The following TFEC variants were observed in gnomAD, a reference collection of about 807,000 sequenced individuals.
TFEC encodes transcription factor EC, also known as class E basic helix-loop-helix protein 34.
A neutral mutation model predicts 41.6 loss-of-function variants in TFEC; 31 were observed. The ratio of observed to expected loss-of-function variants is 0.74; its 90% CI spans 0.56 to 1.01. The LOEUF (loss-of-function observed/expected upper bound fraction) is 1.01, where lower values mean the gene tolerates loss of function less well. Ranked by LOEUF, TFEC falls within the 50% of genes least tolerant of loss-of-function variation. The probability of loss-of-function intolerance (pLI) is 0.00; values close to 1 mark genes in which losing one functional copy is unlikely to be tolerated. For missense variants in TFEC, 402 were observed against 404.1 expected, an observed-to-expected ratio of 0.99 and a Z score of 0.04; for synonymous variants, 143 against 140.6, an observed-to-expected ratio of 1.02 and a Z score of -0.12.
chr7:116,048,790 A>C (rs886472551), intron 3 of TFEC, among the ~76,000 whole-genome samples: 2 of 152,238 alleles, frequency 1.3e-5, no homozygotes, highest in African/African-American at 4.8e-5. Flanking sequence ...CTCTCAGCAG[A>C]AACTCTACAA....
At chr7:115,974,311 C>T in intron 2 of TFEC, 55 bp from the exon 3 acceptor site, 5 of 1,359,240 alleles carry the variant, frequency 3.7e-6, no homozygotes, top group Non-Finnish European at 4.8e-6. Flanking sequence ...AGTTGTGCTT[C>T]AGTCTGAAAA....
At chr7:116,007,127 T>C (rs1794827154) in intron 1 of TFEC, among the ~76,000 whole-genome samples, 1 of 152,198 alleles carries the variant, frequency 6.6e-6, no homozygotes, top group Non-Finnish European at 1.5e-5. Context: ...CGGTTTTACC[T>C]TTTTGTGTTT....
At chr7:116,046,879 C>A (rs1796178292) in intron 3 of TFEC, among the ~76,000 whole-genome samples, 1 of 152,118 alleles carries the variant, frequency 6.6e-6, no homozygotes, top group South Asian at 2.1e-4. Flanking sequence ...ATTCTCTCAC[C>A]AGAGAGGTGA....
intron 3 of TFEC, among the ~76,000 whole-genome samples, chr7:116,090,077 T>C (rs564182428): frequency 2.0e-5 from 3 of 152,290 alleles, no homozygotes; most frequent in African/African-American, 7.2e-5. Context: ...TAACTTTCCA[T>C]GCCTAAGTAA....
chr7:116,080,429 AG>A (rs1797060843), intron 3 of TFEC, among the ~76,000 whole-genome samples: 1 of 152,152 alleles, frequency 6.6e-6, no homozygotes, highest in African/African-American at 2.4e-5. Flanking sequence ...CACCAGAAAA[AG>A]GACTAATATC....
At chr7:116,106,923 C>T (rs1797732005) in intron 3 of TFEC, among the ~76,000 whole-genome samples, 1 of 152,168 alleles carries the variant, frequency 6.6e-6, no homozygotes, top group Admixed American at 6.5e-5. Flanking sequence ...ATTGCATAGG[C>T]TGATCCTGTT....
At chr7:116,048,857 A>C (rs1437567103) in intron 3 of TFEC, among the ~76,000 whole-genome samples, 9 of 152,188 alleles carry the variant, frequency 5.9e-5, no homozygotes, top group African/African-American at 9.6e-5. Context: ...ATTTTCAACC[A>C]AGAATTTCAT....
Position 116,000,716 on chromosome 7 carries a change from T to G in TFEC, c.-72-16203A>C, listed in dbSNP as rs183899990. ...CCATTTGCAATAGCTACAAATAAAATAAAATACCTAGGAATTAACTTAACC... is the reference window on the plus strand; with the variant it reads ...CCATTTGCAATAGCTACAAATAAAAGAAAATACCTAGGAATTAACTTAACC... On this transcript the variant is annotated intron_variant, in intron 1 of 7. Coordinates refer to ENST00000265440, the MANE Select transcript of TFEC (RefSeq NM_012252.4). Among the ~76,000 whole-genome samples the G allele has an allele frequency of 2.7e-4, 41 of 151,932 alleles. No individual in the cohort carries two copies. In the East Asian group the frequency reaches 6.6e-3, roughly 24 times the overall value.
At chr7:115,970,988 T>C (rs767524196) in intron 3 of TFEC, among the ~76,000 whole-genome samples, 5 of 152,068 alleles carry the variant, frequency 3.3e-5, no homozygotes, top group Admixed American at 1.3e-4. Context: ...CCATGTCATA[T>C]AGTAGGTAAA....
At chr7:116,039,148 A>G (rs1795975398) in intron 3 of TFEC, among the ~76,000 whole-genome samples, 1 of 152,228 alleles carries the variant, frequency 6.6e-6, no homozygotes, top group South Asian at 2.1e-4. Flanking sequence ...TGACTATGAC[A>G]TTCTGCTAAA....
At chr7:116,149,472 C>A (rs890262083) in intron 1 of TFEC, among the ~76,000 whole-genome samples, 5 of 152,088 alleles carry the variant, frequency 3.3e-5, no homozygotes, top group Admixed American at 6.5e-5. Context: ...TTAAAATCTT[C>A]CCAAAGGATA....
At chr7:115,950,725 A>T (rs1025553564) in intron 6 of TFEC, 149 bp downstream of exon 6, 2 of 546,908 alleles carry the variant, frequency 3.7e-6, no homozygotes, top group Non-Finnish European at 6.4e-6. Flanking sequence ...ACTGGAATAG[A>T]CATTTTAAAA....
intron 3 of TFEC, among the ~76,000 whole-genome samples, chr7:116,040,571 A>G (rs1289553511): frequency 6.6e-6 from 1 of 152,082 alleles, no homozygotes; most frequent in Non-Finnish European, 1.5e-5. Context: ...CTCCATTTTA[A>G]TTTATTTTAT....
intron 3 of TFEC, among the ~76,000 whole-genome samples, chr7:116,089,350 T>G (rs1479719663): frequency 6.6e-6 from 1 of 152,098 alleles, no homozygotes; most frequent in Non-Finnish European, 1.5e-5. Context: ...AGATTTTTAG[T>G]GGAAGAATGA....
At chr7:116,141,855 C>T (rs1227757650) in intron 1 of TFEC, among the ~76,000 whole-genome samples, 2 of 152,100 alleles carry the variant, frequency 1.3e-5, no homozygotes, top group African/African-American at 4.8e-5. Context: ...TTCTAAGAAG[C>T]AGAAAAAACA....
intron 1 of TFEC, among the ~76,000 whole-genome samples, chr7:116,134,776 A>G (rs1413633130): frequency 1.3e-5 from 2 of 152,162 alleles, no homozygotes; most frequent in Non-Finnish European, 2.9e-5. Context: ...AAGGTATGCT[A>G]TAGCTTTGTG....
At chr7:116,034,443 G>C (rs1795860995), upstream of TFEC, among the ~76,000 whole-genome samples, 1 of 151,762 alleles carries the variant, frequency 6.6e-6, no homozygotes, top group Admixed American at 6.6e-5. Context: ...TCCCCAACTA[G>C]ATTAACACCA....
chr7:116,126,023 G>C (rs1798202252), intron 1 of TFEC, among the ~76,000 whole-genome samples: 1 of 151,976 alleles, frequency 6.6e-6, no homozygotes, highest in Non-Finnish European at 1.5e-5. Flanking sequence ...AATGTGACTA[G>C]GATCAGCTAG....
At chr7:115,948,655 A>C (rs1268706405) in intron 6 of TFEC, among the ~76,000 whole-genome samples, 1 of 151,824 alleles carries the variant, frequency 6.6e-6, no homozygotes, top group Non-Finnish European at 1.5e-5. Context: ...ACAACCCTTC[A>C]TGCTAAAAAC....
Sources: allele counts gnomAD v4.1 joint callset (sites outside exome capture counted in the v4.1 genomes callset), GRCh38; gene constraint gnomAD v4.1.1; transcripts MANE v1.5; gene names NCBI Gene and HGNC (gene_info 2026-07-23, HGNC 2026-07-21).